Variants in APP observed in about 807,000 individuals in gnomAD.
The protein encoded by APP is amyloid-beta precursor protein.
APP carries 31 observed loss-of-function variants against 101.4 expected under a neutral mutation model. The observed-to-expected ratio is 0.31, with a 90% CI of 0.23 to 0.41. The LOEUF is 0.41. APP is among the 10% of genes least tolerant of loss of function. The pLI, the probability that APP is intolerant of heterozygous loss-of-function variation, is 1.00. For missense variants in APP, 839 were observed against 1,003.7 expected (o/e 0.84, Z 2.22); for synonymous variants, 366 against 364.4 (o/e 1.00, Z -0.05).
chr21:26,101,895 T>C (rs1038259242), intron 2 of APP, among the ~76,000 whole-genome samples: 1 of 152,098 alleles, frequency 6.6e-6, no homozygotes, highest in Non-Finnish European at 1.5e-5. Context: ...AAGGTCCTTA[T>C]GGGCCAAGAA....
At chr21:25,993,457 G>A (rs140287376) in intron 8 of APP, among the ~76,000 whole-genome samples, 1 of 152,280 alleles carries the variant, frequency 6.6e-6, no homozygotes, top group Non-Finnish European at 1.5e-5. Context: ...TTCAAACTAA[G>A]GGATTTGCTG....
chr21:25,883,445 C>G lies in APP; in HGVS notation c.2212-1674G>C, dbSNP rs563023365. On this transcript the variant is annotated intron_variant, in intron 17 of 17. Transcript: ENST00000346798. Reference sequence around the variant, plus strand: ...GGTGAGGTGGCTCAAAATCCCAGCCCTTTTGGGAGGCCAAGGCGGGTGGAT... The same window carrying G: ...GGTGAGGTGGCTCAAAATCCCAGCCGTTTTGGGAGGCCAAGGCGGGTGGAT... 2.6e-5 allele frequency among the ~76,000 whole-genome samples: 4 copies of G among 151,326 alleles called. 1 individual carries two copies. The highest frequency in any genetic ancestry group is 1.3e-4 in the Admixed American group (2 of 15,210).
intron 8 of APP, among the ~76,000 whole-genome samples, chr21:25,982,696 A>C (rs1416541527): frequency 2.0e-5 from 3 of 152,232 alleles, no homozygotes; most frequent in Non-Finnish European, 4.4e-5. Context: ...GAATGAAGGA[A>C]AAATCTTTAA....
chr21:25,984,214 T>C (rs2042551994), intron 8 of APP, among the ~76,000 whole-genome samples: 1 of 152,000 alleles, frequency 6.6e-6, no homozygotes, highest in Non-Finnish European at 1.5e-5. Flanking sequence ...AATGTTTTGG[T>C]AGAAGAGTGC....
intron 2 of APP, among the ~76,000 whole-genome samples, chr21:26,090,710 T>C (rs955583939): frequency 3.3e-5 from 5 of 152,186 alleles, no homozygotes; most frequent in Admixed American, 6.5e-5. Flanking sequence ...GCTGGGGATA[T>C]TATGTTTAGT....
intron 1 of APP, among the ~76,000 whole-genome samples, chr21:26,157,675 A>T (rs1243578564): frequency 2.0e-5 from 3 of 152,176 alleles, no homozygotes; most frequent in Non-Finnish European, 4.4e-5. Flanking sequence ...TCATTTAATC[A>T]CTTTTAGAAT....
At chr21:26,117,631 T>A (rs1197472820) in intron 1 of APP, among the ~76,000 whole-genome samples, 1 of 152,182 alleles carries the variant, frequency 6.6e-6, no homozygotes, top group East Asian at 1.9e-4. Context: ...GGGCTGTCTC[T>A]CAAATTAAAA....
chr21:25,883,555 C>T (rs928997355), intron 17 of APP, among the ~76,000 whole-genome samples: 1 of 151,942 alleles, frequency 6.6e-6, no homozygotes. Context: ...TAGCCAGGCA[C>T]AGTAGCACGT....
chr21:26,013,171 G>A (rs2043892939), intron 6 of APP, among the ~76,000 whole-genome samples: 1 of 152,110 alleles, frequency 6.6e-6, no homozygotes, highest in Non-Finnish European at 1.5e-5. Context: ...ACAACAGTTA[G>A]CCAGGCGCGG....
chr21:25,891,896 T>G lies in APP; in HGVS notation c.2065-28A>C, dbSNP rs751177661. The G allele has an allele frequency of 1.9e-6, 3 of 1,598,734 alleles. No individual in the cohort carries two copies. The South Asian group carries it at 3.3e-5, about 18-fold the overall frequency. Reference sequence around the variant, plus strand: ...TGAAAACAAATTAAGAAAAAGAATTTTAATTTCTAAATGCAATATAATTTA... The same window carrying G: ...TGAAAACAAATTAAGAAAAAGAATTGTAATTTCTAAATGCAATATAATTTA... On this transcript the variant is annotated intron_variant, in intron 16 of 17. Transcript: ENST00000346798.
intron 13 of APP, among the ~76,000 whole-genome samples, chr21:25,948,302 C>G (rs542523003): frequency 3.0e-4 from 45 of 152,106 alleles, no homozygotes; most frequent in African/African-American, 9.2e-4. Flanking sequence ...TTTGGACCCA[C>G]TAAACCCCCA....
chr21:25,897,475 CT>C, intron 16 of APP, 97 bp downstream of exon 16: 2 of 974,460 alleles, frequency 2.1e-6, no homozygotes. Flanking sequence ...GTATTTTTAT[CT>C]TTTCCTTAAT....
intron 1 of APP, among the ~76,000 whole-genome samples, chr21:26,157,591 T>C (rs1175532940): frequency 6.6e-6 from 1 of 152,208 alleles, no homozygotes; most frequent in African/African-American, 2.4e-5. Context: ...ACAATGATGA[T>C]TCTATCAGGC....
chr21:25,883,180 G>A lies in APP; in HGVS notation c.2212-1409C>T, dbSNP rs180741843. ...CACTTTGGGAGCCTGAGGTGGGTGC[G>A]TCACTTGAGGTCAGGAGTTTGAGAC... is the stretch of plus-strand genomic sequence containing the variant. On this transcript the variant is annotated intron_variant, in intron 17 of 17. Transcript: ENST00000346798. Among the ~76,000 whole-genome samples, 846 of 152,196 alleles carry A rather than the reference G, an allele frequency of 5.6e-3. 34 individuals are homozygous for A. The highest frequency in any genetic ancestry group is 0.051 in the Admixed American group (783 of 15,282).
chr21:25,982,898 C>T (rs545208712), intron 8 of APP, among the ~76,000 whole-genome samples: 1 of 152,250 alleles, frequency 6.6e-6, no homozygotes, highest in Non-Finnish European at 1.5e-5. Flanking sequence ...CCACAGATAT[C>T]TGTAATTAGC....
At chr21:25,885,912 TCTC>T (rs370894167) in intron 17 of APP, among the ~76,000 whole-genome samples, 46 of 152,216 alleles carry the variant, frequency 3.0e-4, no homozygotes, top group African/African-American at 1.0e-3. Flanking sequence ...AGTTTCTAGG[TCTC>T]CTCCTATTGC....
chr21:26,100,407 C>G (rs766997194), intron 2 of APP, among the ~76,000 whole-genome samples: 1 of 152,172 alleles, frequency 6.6e-6, no homozygotes, highest in Non-Finnish European at 1.5e-5. Flanking sequence ...TGCCAATTTT[C>G]AGCCTACAAG....
chr21:26,148,852 C>T (rs955069278), intron 1 of APP, among the ~76,000 whole-genome samples: 7 of 152,180 alleles, frequency 4.6e-5, no homozygotes, highest in African/African-American at 1.7e-4. Flanking sequence ...TATTTAGATA[C>T]TTTGTAGATG....
At chr21:25,957,931 C>T (rs181034594) in intron 11 of APP, among the ~76,000 whole-genome samples, 1 of 152,020 alleles carries the variant, frequency 6.6e-6, no homozygotes, top group Non-Finnish European at 1.5e-5. Flanking sequence ...CTGTAGTGAG[C>T]CCTGATTGCA....
Sources: allele counts gnomAD v4.1 joint callset (sites outside exome capture counted in the v4.1 genomes callset), GRCh38; gene constraint gnomAD v4.1.1; transcripts MANE v1.5; gene names NCBI Gene and HGNC (gene_info 2026-07-23, HGNC 2026-07-21).